DYTN: variants seen among roughly 807,000 people sequenced by gnomAD.
The protein encoded by DYTN is dystrotelin.
In DYTN, 75 loss-of-function variants were observed where a neutral mutation model predicts 69.6. The observed-to-expected ratio is 1.08, with a 90% confidence interval of 0.89 to 1.31. DYTN has a LOEUF of 1.31. DYTN is among the 50% of genes most tolerant of loss of function. DYTN has a pLI of 0.00. For synonymous variants in DYTN, 252 were observed against 249.1 expected, an observed-to-expected ratio of 1.01 and a Z score of -0.11; for missense variants, 726 against 688.4, an observed-to-expected ratio of 1.05 and a Z score of -0.61.
intron 9 of DYTN, among the ~76,000 whole-genome samples, chr2:206,671,582 T>C (rs193009855): frequency 3.7e-3 from 570 of 152,366 alleles, no homozygotes; most frequent in Middle Eastern, 0.01. Context: ...TAAGCCATTG[T>C]TTACCTCTAT....
intron 8 of DYTN, 142 bp from the exon 9 acceptor site, chr2:206,693,465 T>C: frequency 2.7e-6 from 3 of 1,118,688 alleles, no homozygotes; most frequent in Admixed American, 2.9e-5. Flanking sequence ...TACCTCCTTC[T>C]TGTCCCTGAA....
chr2:206,653,236 T>A lies in DYTN; in HGVS notation c.1634-1315A>T, dbSNP rs539902664. ...AACTTAAAATATAGCAATAAATAAA[T>A]AGGAAAGCCATAATCAATCTCACAT... On this transcript the variant is annotated intron_variant, in intron 11 of 11. Coordinates refer to ENST00000452335, the MANE Select transcript of DYTN (RefSeq NM_001093730.1). Among the ~76,000 whole-genome samples the A allele has an allele frequency of 2.0e-5, 3 of 152,300 alleles. No homozygotes were observed. The South Asian group carries it at 6.2e-4, about 32-fold the overall frequency.
chr2:206,704,965 T>C, intron 4 of DYTN, 22 bp from the exon 5 acceptor site: 3 of 1,587,414 alleles, frequency 1.9e-6, no homozygotes, highest in Non-Finnish European at 2.6e-6. Context: ...GGAGGAACAA[T>C]CTTTAAATTG....
chr2:206,716,859 T>C (rs1700134824), intron 1 of DYTN, among the ~76,000 whole-genome samples: 1 of 152,078 alleles, frequency 6.6e-6, no homozygotes, highest in South Asian at 2.1e-4. Context: ...CTGTAGCTGC[T>C]CTACCATCTG....
At chr2:206,663,484 T>C in intron 10 of DYTN, 89 bp from the exon 11 acceptor site, 2 of 1,367,554 alleles carry the variant, frequency 1.5e-6, no homozygotes, top group South Asian at 3.3e-5. Flanking sequence ...CAACAGAACA[T>C]TCTAATGCAA....
At chr2:206,684,977 C>T (rs1421279320) in intron 9 of DYTN, among the ~76,000 whole-genome samples, 1 of 152,068 alleles carries the variant, frequency 6.6e-6, no homozygotes, top group Non-Finnish European at 1.5e-5. Context: ...TTTGTTTACC[C>T]TCAGCATTGA....
chr2:206,661,088 G>A (rs1415789597), intron 11 of DYTN, among the ~76,000 whole-genome samples: 1 of 152,084 alleles, frequency 6.6e-6, no homozygotes, highest in African/African-American at 2.4e-5. Flanking sequence ...CATAGACATA[G>A]ACATACATAG....
At chr2:206,668,582 CT>C (rs1257290466) in intron 9 of DYTN, among the ~76,000 whole-genome samples, 26 of 152,290 alleles carry the variant, frequency 1.7e-4, no homozygotes, top group Non-Finnish European at 1.3e-4. Flanking sequence ...TTCCTGCTTT[CT>C]GGTGGAGGCT....
At chr2:206,710,320 A>C (rs567574072) in intron 2 of DYTN, among the ~76,000 whole-genome samples, 11 of 152,342 alleles carry the variant, frequency 7.2e-5, no homozygotes, top group Admixed American at 2.0e-4. Flanking sequence ...TCTATTGCTC[A>C]TCAGCAAAAC....
intron 7 of DYTN, among the ~76,000 whole-genome samples, chr2:206,698,463 C>T (rs78708862): frequency 6.6e-6 from 1 of 152,130 alleles, no homozygotes; most frequent in East Asian, 1.9e-4. Context: ...AGTCCTGAGG[C>T]CTCTTGTCCC....
rs540350631 is a variant in DYTN, at chr2:206,705,280, T to C, written c.383-337A>G. Among the ~76,000 whole-genome samples, 4 of 152,274 alleles carry C rather than the reference T, an allele frequency of 2.6e-5. No individual in the cohort carries two copies. The East Asian group carries it at 5.8e-4, about 22-fold the overall frequency. ...CCCGGCTAATTTTTTGTATTTTTAG[T>C]AGAGACAGGGTTTCTCCATGTTTGT... On this transcript the variant is annotated intron_variant, in intron 4 of 11. Transcript: ENST00000452335.
At chr2:206,704,795 G>A (rs1700009032) in intron 5 of DYTN, 48 bp downstream of exon 5, 1 of 1,498,094 alleles carries the variant, frequency 6.7e-7, no homozygotes, top group Non-Finnish European at 9.2e-7. Context: ...AATAAATGTG[G>A]CAAATTAACT....
rs561504817 is a variant in DYTN, at chr2:206,694,345, G to A, written c.831+421C>T. On this transcript the variant is annotated intron_variant, in intron 8 of 11. Transcript: ENST00000452335. ...TAAAGAAGAAATATTTGAAATTTAG[G>A]GTTCAGGAAAAGACATGTTAAAAAA... 2.3e-4 allele frequency among the ~76,000 whole-genome samples: 35 copies of A among 152,040 alleles called. No homozygotes were observed. The South Asian group carries it at 6.9e-3, about 30-fold the overall frequency.
intron 9 of DYTN, among the ~76,000 whole-genome samples, chr2:206,692,475 C>T (rs922638814): frequency 5.9e-5 from 9 of 151,990 alleles, no homozygotes; most frequent in African/African-American, 1.7e-4. Context: ...TAACCAAGTT[C>T]GCAATTTTTT....
intron 9 of DYTN, among the ~76,000 whole-genome samples, chr2:206,691,417 A>T (rs1272909484): frequency 1.3e-5 from 2 of 151,456 alleles, no homozygotes; most frequent in African/African-American, 4.9e-5. Context: ...CATCTTAAAA[A>T]AAAAATATAT....
At chr2:206,713,623 A>G (rs1207924021) in intron 1 of DYTN, among the ~76,000 whole-genome samples, 1 of 152,208 alleles carries the variant, frequency 6.6e-6, no homozygotes, top group East Asian at 1.9e-4. Flanking sequence ...GGGTTGAGGA[A>G]TAGTGAAGAT....
chr2:206,709,460 GAC>G (rs141839059), intron 2 of DYTN, among the ~76,000 whole-genome samples: 48 of 148,396 alleles, frequency 3.2e-4, no homozygotes, highest in Admixed American at 1.1e-3. Context: ...CACACACACA[GAC>G]ACACACACAC....
chr2:206,676,038 G>A (rs1273511593), intron 9 of DYTN, among the ~76,000 whole-genome samples: 1 of 152,162 alleles, frequency 6.6e-6, no homozygotes, highest in Non-Finnish European at 1.5e-5. Flanking sequence ...CAAGGATCAA[G>A]AACCAGAAAT....
intron 2 of DYTN, among the ~76,000 whole-genome samples, chr2:206,709,990 C>T (rs1700064723): frequency 6.6e-6 from 1 of 152,146 alleles, no homozygotes; most frequent in African/African-American, 2.4e-5. Context: ...TATAAATTTA[C>T]TGCAAAAAGG....
Sources: allele counts gnomAD v4.1 joint callset (sites outside exome capture counted in the v4.1 genomes callset), GRCh38; gene constraint gnomAD v4.1.1; transcripts MANE v1.5; gene names NCBI Gene and HGNC (gene_info 2026-07-23, HGNC 2026-07-21).